The following TIGD7 variants were observed in gnomAD, a reference collection of about 807,000 sequenced individuals.
The protein encoded by TIGD7 is tigger transposable element-derived protein 7.
Under a neutral mutation model 24.8 loss-of-function variants are expected in TIGD7, and 26 were observed. That is an observed-to-expected ratio of 1.05 (90% CI 0.77 to 1.45). The LOEUF is 1.45. Ranked by LOEUF, TIGD7 falls within the 40% of genes most tolerant of loss-of-function variation. TIGD7 has a pLI of 0.00. For synonymous variants in TIGD7, 221 were observed against 224.1 expected (o/e 0.99, Z 0.12); for missense variants, 679 against 641.6 (o/e 1.06, Z -0.63).
chr16:3,304,171 C>T (rs566606180), intron 1 of TIGD7, among the ~76,000 whole-genome samples: 2 of 152,300 alleles, frequency 1.3e-5, no homozygotes, highest in South Asian at 4.1e-4. Flanking sequence ...TTTTCATTCC[C>T]ATTCAAAGGA....
In TIGD7 at chr16:3,300,731, T is replaced by C. The variant is rs1041890865; in HGVS notation, c.-117A>G. ...ACTTAGCTGAAAGCCCCAGAAGGCA[T>C]GGGCATTGTATTGGAGGATAATGGA... On this transcript the variant is annotated 5_prime_UTR_variant, in exon 2 of 2. The change abolishes an upstream ATG in the 5' untranslated region. Coordinates refer to ENST00000396862, the MANE Select transcript of TIGD7 (RefSeq NM_033208.4). 2 of 1,455,516 alleles carry C rather than the reference T, an allele frequency of 1.4e-6. No individual in the cohort carries two copies. Among genetic ancestry groups the C allele is most frequent in the Admixed American group, 2.8e-5 (1 of 35,412 alleles). The allele number at this position is 1,455,516 out of a possible 1,614,324, so 90.2% of individuals were successfully genotyped here.
Position 3,300,801 on chromosome 16 carries a change from G to GC in TIGD7, c.-188_-187insG. On this transcript the variant is annotated 5_prime_UTR_variant, in exon 2 of 2. An upstream open reading frame in the 5' UTR loses its in-frame stop. Transcript: ENST00000396862. Reference sequence around the variant, plus strand: ...CTGAAGAGCTAGTCTAGAGGTGGAGGTCTTATGCACTCAGAAAGCTGCCAG... The same window carrying GC: ...CTGAAGAGCTAGTCTAGAGGTGGAGGCTCTTATGCACTCAGAAAGCTGCCAG... 1 of 1,011,006 alleles carries GC rather than the reference G, an allele frequency of 9.9e-7. No individual in the cohort carries two copies. Among genetic ancestry groups the GC allele is most frequent in the Non-Finnish European group, 1.4e-6 (1 of 731,676 alleles). 62.6% of individuals were successfully genotyped at this position (1,011,006 alleles called of 1,614,324 possible). A position where few individuals can be genotyped will look rare whatever the true frequency, so the allele number is the denominator to read the frequency against.
Position 3,299,276 on chromosome 16 carries a change from TTTC to T in TIGD7, c.1336_1338del (p.Glu446del). 1 of 1,611,304 alleles carries T rather than the reference TTTC, an allele frequency of 6.2e-7. No individual in the cohort carries two copies. ...CCTTTGGTTTTTAGGAGACAACCCTTTTCTTCATCTCCATTTAACCACACCCTA... is the reference window on the plus strand; with the variant it reads ...CCTTTGGTTTTTAGGAGACAACCCTTTTCATCTCCATTTAACCACACCCTA... On this transcript the variant is annotated inframe_deletion, in exon 2 of 2. Coordinates refer to ENST00000396862, the MANE Select transcript of TIGD7 (RefSeq NM_033208.4).
chr16:3,299,293 A>T lies in TIGD7; in HGVS notation c.1322T>A (p.Leu441Ter), dbSNP rs529471581. Residue 441 changes from leucine (L) to a stop codon, truncating the protein, a stop_gained, in exon 2 of 2, where the codon TTA becomes TAA. Transcript: ENST00000396862. LOFTEE classifies it low-confidence loss of function (END_TRUNC). ...ETKLDDDRVW[L>*]NGDEEKGCLL... ...ACAACCCTTTTCTTCATCTCCATTT[A>T]ACCACACCCTATCATCATCCAACTT... 6.2e-7 allele frequency: 1 copy of T among 1,610,742 alleles called. No individual in the cohort carries two copies. Among genetic ancestry groups the T allele is most frequent in the South Asian group, 1.1e-5 (1 of 90,160 alleles).
intron 1 of TIGD7, 200 bp downstream of exon 1, chr16:3,305,012 T>C (rs954011046): frequency 1.3e-5 from 2 of 152,168 alleles, no homozygotes; most frequent in Non-Finnish European, 2.9e-5. Context: ...AAAATAGTTG[T>C]GGGGAATGCG....
At position 3,299,764 on chromosome 16, in the gene TIGD7, A is replaced by G. The variant is rs1567258559; in HGVS notation, c.851T>C (p.Phe284Ser). ...CAATGCCCTGACGTCCTCGTCATGA[A>G]ATCTTAGAACATTAAGTTGAAAATG... ...VRHFQLNVLR[F>S]HDEDVRALLL... The change falls in exon 2 of 2, where the codon TTT becomes TCT. Residue 284 changes from phenylalanine (F) to serine (S), a missense_variant. Coordinates refer to ENST00000396862, the MANE Select transcript of TIGD7 (RefSeq NM_033208.4). The G allele has an allele frequency of 6.4e-7, 1 of 1,550,966 alleles. No homozygotes were observed. Among genetic ancestry groups the G allele is most frequent in the Non-Finnish European group, 8.7e-7 (1 of 1,153,390 alleles).
In TIGD7 at chr16:3,299,328, C is replaced by T. The variant is rs117016761; in HGVS notation, c.1287G>A (p.Glu429=). 1,371 of 1,595,720 alleles carry T rather than the reference C, an allele frequency of 8.6e-4. 10 individuals carry two copies. In the Admixed American group the frequency reaches 0.016, roughly 18 times the overall value. ...DYREILEKCG[E]LETKLDDDRV... ...TATCATCATCCAACTTAGTTTCCAA[C>T]TCCCCACATTTTTCAAGAATTTCTC... The change falls in exon 2 of 2, where the codon GAG becomes GAA. Residue 429 remains glutamate, a synonymous_variant. Coordinates refer to ENST00000396862, the MANE Select transcript of TIGD7 (RefSeq NM_033208.4).
rs766055451 is a variant in TIGD7 at position 3,300,384 on chromosome 16, A to G, written c.231T>C (p.Tyr77=). Residue 77 remains tyrosine (Y), a synonymous_variant, in exon 2 of 2, where the codon TAT becomes TAC. Transcript: ENST00000396862. ...EKRKRTTGAK[Y]GDVDDAVYMW... is the part of the protein sequence containing the mutation. ...TGTAGACCGCATCATCTACATCACC[A>G]TATTTGGCTCCCGTTGTCCTCTTTC... The G allele has an allele frequency of 1.3e-5, 21 of 1,614,146 alleles. No individual in the cohort carries two copies. Among genetic ancestry groups the G allele is most frequent in the Non-Finnish European group, 1.6e-5 (19 of 1,180,032 alleles).
chr16:3,302,181 G>A (rs1415612850), intron 1 of TIGD7, among the ~76,000 whole-genome samples, 172 bp from the exon 2 acceptor site: 1 of 151,792 alleles, frequency 6.6e-6, no homozygotes, highest in East Asian at 1.9e-4. Context: ...AGGCTGGAGT[G>A]CGATGCCGCC....
chr16:3,299,523 T>C lies in TIGD7; in HGVS notation c.1092A>G (p.Gly364=). The C allele has an allele frequency of 6.5e-7, 1 of 1,530,588 alleles. No homozygotes were observed. The highest frequency in any genetic ancestry group is 8.7e-7 in the Non-Finnish European group (1 of 1,143,364). 94.8% of individuals were successfully genotyped at this position (1,530,588 alleles called of 1,614,324 possible). ...FEESDDEQEK[G]DKGVSKIKIY... is the part of the protein sequence containing the mutation. ...TTTTAATTTTGGAAACTCCTTTATC[T>C]CCTTTCTCTTGCTCATCATCACTTT... Residue 364 remains glycine (G), a synonymous_variant, in exon 2 of 2, where the codon GGA becomes GGG. Transcript: ENST00000396862.
chr16:3,299,487 T>C lies in TIGD7; in HGVS notation c.1128A>G (p.Ile376Met). ...TTGCCCAGTTAAAAATTGCACTTTT[T>C]ATATTGTAGATTTTAATTTTGGAAA... The part of the protein sequence containing the change: ...KGVSKIKIYN[I>M]KSAIFNWAKS... The change falls in exon 2 of 2, where the codon ATA becomes ATG. Residue 376 changes from isoleucine to methionine, a missense_variant. Ile to Met is a conservative substitution (Grantham distance 10, BLOSUM62 1). Coordinates refer to ENST00000396862, the MANE Select transcript of TIGD7 (RefSeq NM_033208.4). 6.5e-7 allele frequency: 1 copy of C among 1,547,340 alleles called. No homozygotes were observed. The highest frequency in any genetic ancestry group is 8.7e-7 in the Non-Finnish European group (1 of 1,149,976).
chr16:3,304,498 G>A (rs1157257450), intron 1 of TIGD7, among the ~76,000 whole-genome samples: 1 of 152,196 alleles, frequency 6.6e-6, no homozygotes, highest in Non-Finnish European at 1.5e-5. Context: ...CCTTTCAAGA[G>A]ATTGCTTAAG....
chr16:3,299,311 T>C lies in TIGD7; in HGVS notation c.1304A>G (p.Asp435Gly), dbSNP rs1959861715. The C allele has an allele frequency of 2.5e-6, 4 of 1,604,468 alleles. No homozygotes were observed. Among genetic ancestry groups the C allele is most frequent in the Non-Finnish European group, 3.4e-6 (4 of 1,176,490 alleles). Residue 435 changes from aspartate (D) to glycine (G), a missense_variant, in exon 2 of 2, where the codon GAT (aspartate) becomes GGT (glycine). Asp to Gly is a moderately conservative substitution (Grantham distance 94, BLOSUM62 -1). Coordinates refer to ENST00000396862, the MANE Select transcript of TIGD7 (RefSeq NM_033208.4). ...TCCATTTAACCACACCCTATCATCATCCAACTTAGTTTCCAACTCCCCACA... is the reference window on the plus strand; with the variant it reads ...TCCATTTAACCACACCCTATCATCACCCAACTTAGTTTCCAACTCCCCACA... ...EKCGELETKLDDDRVWLNGDE... is the reference protein window; with the variant it reads ...EKCGELETKLGDDRVWLNGDE...
In TIGD7 at chr16:3,299,077, T is replaced by A. The variant is rs1329541356; in HGVS notation, c.1538A>T (p.Lys513Met). The A allele has an allele frequency of 1.4e-6, 2 of 1,419,628 alleles. No individual in the cohort carries two copies. Among genetic ancestry groups the A allele is most frequent in the Non-Finnish European group, 1.8e-6 (2 of 1,083,818 alleles). The allele number at this position is 1,419,628 out of a possible 1,614,324, so 87.9% of individuals were successfully genotyped here. The change falls in exon 2 of 2, where the codon AAG (lysine) becomes ATG (methionine). Residue 513 changes from lysine to methionine, a missense_variant. Transcript: ENST00000396862. ...TLKEMQQEIVKKQFQSKIHSR... is the reference protein window; with the variant it reads ...TLKEMQQEIVMKQFQSKIHSR... The stretch of plus-strand genomic sequence containing the variant: ...ATGGATTTTACTCTGGAACTGTTTC[T>A]TGACTATTTCTTGTTGCATCTCTTT...
intron 1 of TIGD7, among the ~76,000 whole-genome samples, chr16:3,303,177 G>C (rs74003356): frequency 0.059 from 9,010 of 152,200 alleles, 923 homozygotes; most frequent in African/African-American, 0.2. Flanking sequence ...GCAAGGGGAG[G>C]TGAAACCAAA....
rs1416685056 is a variant in TIGD7, at chr16:3,305,322, C to T, written c.-1506G>A. ...AGACAGCGACAGCCACGCGGTGAGC[C>T]GGTACAAGGCCCTCTAGGCTTCAGC... On this transcript the variant is annotated 5_prime_UTR_variant, in exon 1 of 2. Transcript: ENST00000396862. 5 of 152,300 alleles carry T rather than the reference C, an allele frequency of 3.3e-5. No homozygotes were observed. The highest frequency in any genetic ancestry group is 1.2e-4 in the African/African-American group (5 of 41,482). The allele number at this position is 152,300 out of a possible 1,614,324, so 9.4% of individuals were successfully genotyped here.
In TIGD7 at chr16:3,299,719, G is replaced by T; in HGVS notation, c.896C>A (p.Pro299Gln). ...TAGGGATTCAGAGGAAGGATGAGCCGGGCAACTGTCCAGAAGTAACAATGC... is the reference window on the plus strand; with the variant it reads ...TAGGGATTCAGAGGAAGGATGAGCCTGGCAACTGTCCAGAAGTAACAATGC... ...VRALLLLDSC[P>Q]AHPSSESLTS... Residue 299 changes from proline to glutamine, a missense_variant, in exon 2 of 2, where the codon CCG becomes CAG. Pro to Gln is a moderately conservative substitution (Grantham distance 76). Coordinates refer to ENST00000396862, the MANE Select transcript of TIGD7 (RefSeq NM_033208.4). 1 of 1,535,260 alleles carries T rather than the reference G, an allele frequency of 6.5e-7. No individual in the cohort carries two copies. The highest frequency in any genetic ancestry group is 8.7e-7 in the Non-Finnish European group (1 of 1,145,812).
At chr16:3,302,770 CA>C (rs1453417715) in intron 1 of TIGD7, among the ~76,000 whole-genome samples, 1 of 151,310 alleles carries the variant, frequency 6.6e-6, no homozygotes, top group African/African-American at 2.4e-5. Flanking sequence ...GCCACTATGA[CA>C]GTTGTGTAGG....
chr16:3,299,048 T>C lies in TIGD7; in HGVS notation c.1567A>G (p.Arg523Gly). 1 of 1,393,744 alleles carries C rather than the reference T, an allele frequency of 7.2e-7. No homozygotes were observed. Among genetic ancestry groups the C allele is most frequent in the Non-Finnish European group, 9.4e-7 (1 of 1,068,436 alleles). The allele number at this position is 1,393,744 out of a possible 1,614,324, so 86.3% of individuals were successfully genotyped here. Residue 523 changes from arginine (R) to glycine (G), a missense_variant, in exon 2 of 2, where the codon AGA (arginine) becomes GGA (glycine). Transcript: ENST00000396862. ...KKQFQSKIHS[R>G]IGSFLKPRPH... ...CTAGGTTTCAAAAAGCTACCAATTC[T>C]AGAATGGATTTTACTCTGGAACTGT... is the stretch of plus-strand genomic sequence containing the variant.
Sources: gnomAD v4.1 joint callset for allele counts (sites outside exome capture counted in the v4.1 genomes callset) on GRCh38, gnomAD v4.1.1 for gene constraint, MANE v1.5 for transcripts, NCBI Gene and HGNC (gene_info 2026-07-23, HGNC 2026-07-21) for gene names.